LINGO1: variants seen among roughly 807,000 people sequenced by gnomAD.
The protein encoded by LINGO1 is leucine-rich repeat and immunoglobulin-like domain-containing nogo receptor-interacting protein 1.
LINGO1 carries 11 observed loss-of-function variants against 37.3 expected under a neutral mutation model. The observed-to-expected ratio is 0.29, with a 90% CI of 0.19 to 0.49. The LOEUF (loss-of-function observed/expected upper bound fraction) is 0.49, where lower values mean the gene tolerates loss of function less well. LINGO1 is among the 20% of genes least tolerant of loss of function. The pLI, the probability that LINGO1 is intolerant of heterozygous loss-of-function variation, is 0.99. For synonymous variants in LINGO1, 387 were observed against 403.0 expected (o/e 0.96, Z 0.48); for missense variants, 585 against 878.2 (o/e 0.67, Z 4.22).
chr15:77,747,217 C>T lies in LINGO1; in HGVS notation c.-256-12164G>A, dbSNP rs552284912. On this transcript the variant is annotated intron_variant, in intron 1 of 3. Coordinates refer to the LINGO1 transcript ENST00000561686. ...CCCGCCCAGGCCTAGCAGGGGGCCA[C>T]ATCTCCTCCTCCTCCTCTCCCCTGG... Among the ~76,000 whole-genome samples, 16 of 152,364 alleles carry T rather than the reference C, an allele frequency of 1.1e-4. No homozygotes were observed. In the South Asian group the frequency reaches 2.3e-3, roughly 22 times the overall value.
intron 2 of LINGO1, among the ~76,000 whole-genome samples, chr15:77,714,520 C>A (rs184365817): frequency 6.6e-6 from 1 of 152,150 alleles, no homozygotes; most frequent in Non-Finnish European, 1.5e-5. Flanking sequence ...ATCCCCCTCA[C>A]GGTCCTCCCA....
chr15:77,621,058 C>CTTT (rs72415268), intron 1 of LINGO1, among the ~76,000 whole-genome samples: 4 of 148,428 alleles, frequency 2.7e-5, no homozygotes, highest in Admixed American at 6.7e-5. Context: ...GGTTTGGGGC[C>CTTT]TTTTTTTTTT....
rs2076749347 is a variant in LINGO1 at position 77,784,179 on chromosome 15, A to G, written c.-257+2690T>C. 5.3e-5 allele frequency among the ~76,000 whole-genome samples: 8 copies of G among 152,242 alleles called. No homozygotes were observed. In the South Asian group the frequency reaches 1.4e-3, roughly 28 times the overall value. ...AGGCCGGGGTCTCCGGGAGGTCCCA[A>G]AAGGAAGAGTTGGTTCGCATAGCAG... On this transcript the variant is annotated intron_variant, in intron 1 of 3. Transcript: ENST00000561686.
At chr15:77,796,640 C>G (rs2076875583) in intron 1 of LINGO1, among the ~76,000 whole-genome samples, 1 of 152,092 alleles carries the variant, frequency 6.6e-6, no homozygotes, top group African/African-American at 2.4e-5. Context: ...CACCGGGGTG[C>G]CTCCCTTGGG....
At chr15:77,691,269 G>A (rs2075598622) in intron 1 of LINGO1, among the ~76,000 whole-genome samples, 1 of 152,162 alleles carries the variant, frequency 6.6e-6, no homozygotes, top group Admixed American at 6.5e-5. Context: ...CTGCCTCCTG[G>A]CCACAGTACA....
chr15:77,700,994 C>T (rs949204357), upstream of LINGO1, among the ~76,000 whole-genome samples: 11 of 152,300 alleles, frequency 7.2e-5, no homozygotes, highest in Middle Eastern at 3.4e-3. Flanking sequence ...AGGAGGAAAG[C>T]GGCAGTGTCC....
chr15:77,623,862 T>C (rs574365990), intron 1 of LINGO1, among the ~76,000 whole-genome samples: 1 of 149,868 alleles, frequency 6.7e-6, no homozygotes, highest in South Asian at 2.1e-4. Flanking sequence ...CCTGTGTGTG[T>C]GTGTGTGTGT....
chr15:77,654,219 G>C (rs2074820908), intron 3 of LINGO1, among the ~76,000 whole-genome samples: 1 of 152,158 alleles, frequency 6.6e-6, no homozygotes, highest in African/African-American at 2.4e-5. Flanking sequence ...GCTTGGAATG[G>C]GGGTGAGAAA....
chr15:77,634,845 C>T (rs2074364101), upstream of LINGO1, among the ~76,000 whole-genome samples: 1 of 151,540 alleles, frequency 6.6e-6, no homozygotes, highest in South Asian at 2.1e-4. Context: ...CAGGAATAGA[C>T]GCTCGCTGGC....
intron 1 of LINGO1, among the ~76,000 whole-genome samples, chr15:77,695,353 TAA>T (rs2075673275): frequency 6.6e-6 from 1 of 151,222 alleles, no homozygotes; most frequent in Admixed American, 6.6e-5. Context: ...AAAGAAAGGA[TAA>T]AGAGAGCAGC....
intron 1 of LINGO1, among the ~76,000 whole-genome samples, chr15:77,745,540 G>A (rs75269588): frequency 0.039 from 5,957 of 152,190 alleles, 397 homozygotes; most frequent in African/African-American, 0.14. Flanking sequence ...CCCACTGAGC[G>A]TGAGCTTCTA....
intron 2 of LINGO1, among the ~76,000 whole-genome samples, chr15:77,687,835 C>T (rs59560600): frequency 0.16 from 25,053 of 152,188 alleles, 4,353 homozygotes; most frequent in African/African-American, 0.44. Context: ...TACCTCCTCC[C>T]GTCACAGGGC....
chr15:77,673,110 A>C (rs1288009995), intron 3 of LINGO1, among the ~76,000 whole-genome samples: 1 of 152,220 alleles, frequency 6.6e-6, no homozygotes, highest in Non-Finnish European at 1.5e-5. Flanking sequence ...CCACACACAG[A>C]AATACATTTC....
intron 1 of LINGO1, among the ~76,000 whole-genome samples, chr15:77,695,809 C>A (rs1187922818): frequency 6.6e-6 from 1 of 152,254 alleles, no homozygotes; most frequent in Non-Finnish European, 1.5e-5. Context: ...CAGCCCAGCA[C>A]CATCAGCCTG....
intron 3 of LINGO1, among the ~76,000 whole-genome samples, chr15:77,659,846 C>CTGGGGTGGGG (rs59076159): frequency 6.4e-5 from 2 of 31,478 alleles, no homozygotes; most frequent in Non-Finnish European, 8.8e-5. Flanking sequence ...GCGGGAGAGG[C>CTGGGGTGGGG]TGGGGTGGGG....
At chr15:77,733,899 ACT>A (rs1270765643) in intron 2 of LINGO1, among the ~76,000 whole-genome samples, 1 of 152,016 alleles carries the variant, frequency 6.6e-6, no homozygotes, top group Non-Finnish European at 1.5e-5. Flanking sequence ...TCCTTCCAAG[ACT>A]CTGCTGCAAA....
chr15:77,669,431 G>A (rs1011927179), intron 3 of LINGO1, among the ~76,000 whole-genome samples: 2 of 152,200 alleles, frequency 1.3e-5, no homozygotes, highest in Non-Finnish European at 2.9e-5. Context: ...GCCCATCGAG[G>A]TGTTTGTAGT....
intron 2 of LINGO1, among the ~76,000 whole-genome samples, chr15:77,685,841 A>AC (rs2075500385): frequency 6.6e-6 from 1 of 152,070 alleles, no homozygotes; most frequent in Non-Finnish European, 1.5e-5. Context: ...ACACAGTGAG[A>AC]CCCCATCTCT....
At chr15:77,706,338 C>T (rs926862553) in intron 2 of LINGO1, among the ~76,000 whole-genome samples, 1 of 152,212 alleles carries the variant, frequency 6.6e-6, no homozygotes, top group Non-Finnish European at 1.5e-5. Context: ...CTTCTGTGTC[C>T]CTGTGTCCCT....
Sources: gnomAD v4.1 joint callset for allele counts (sites outside exome capture counted in the v4.1 genomes callset) on GRCh38, gnomAD v4.1.1 for gene constraint, MANE v1.5 for transcripts, NCBI Gene and HGNC (gene_info 2026-07-23, HGNC 2026-07-21) for gene names.